TRRAP: variants seen among roughly 807,000 people sequenced by gnomAD.
The protein encoded by TRRAP is transformation/transcription domain-associated protein.
TRRAP carries 41 observed loss-of-function variants against 438.8 expected under a neutral mutation model. The ratio of observed to expected loss-of-function variants is 0.09; its 90% CI spans 0.07 to 0.12. TRRAP has a LOEUF of 0.12. Ranked by LOEUF, TRRAP falls within the 10% of genes least tolerant of loss-of-function variation. The pLI, the probability that TRRAP is intolerant of heterozygous loss-of-function variation, is 1.00. For synonymous variants in TRRAP, 1,994 were observed against 1,962.9 expected (o/e 1.02, Z -0.42); for missense variants, 3,122 against 5,055.1 (o/e 0.62, Z 11.60).
At chr7:98,952,093 T>G (rs1791364281) in intron 39 of TRRAP, among the ~76,000 whole-genome samples, 1 of 152,100 alleles carries the variant, frequency 6.6e-6, no homozygotes, top group South Asian at 2.1e-4. Flanking sequence ...AAAACATGAT[T>G]ATAGTGGAAG....
chr7:98,990,110 C>T (rs1376465573), intron 63 of TRRAP, among the ~76,000 whole-genome samples: 1 of 152,110 alleles, frequency 6.6e-6, no homozygotes, highest in African/African-American at 2.4e-5. Flanking sequence ...TGCCTGTAGT[C>T]CCAGCTACTG....
At chr7:98,996,361 G>A (rs537502427) in intron 67 of TRRAP, among the ~76,000 whole-genome samples, 1 of 152,214 alleles carries the variant, frequency 6.6e-6, no homozygotes, top group African/African-American at 2.4e-5. Flanking sequence ...AGAGAAGCGC[G>A]TGGCGGGCTC....
chr7:98,925,158 C>T lies in TRRAP; in HGVS notation c.2870C>T (p.Pro957Leu). 1 of 1,614,182 alleles carries T rather than the reference C, an allele frequency of 6.2e-7. No individual in the cohort carries two copies. Among genetic ancestry groups the T allele is most frequent in the Non-Finnish European group, 8.5e-7 (1 of 1,180,040 alleles). ...LDCLKSANTEPYYRRQAWEVI... is the reference protein window; with the variant it reads ...LDCLKSANTELYYRRQAWEVI... ...TGCCTGAAAAGCGCCAACACTGAGC[C>T]CTACTACCGGAGGCAGGCGTGGGAA... Residue 957 changes from proline (P) to leucine (L), a missense_variant, in exon 22 of 73, where the codon CCC becomes CTC. Physicochemically the swap from Pro to Leu is moderately conservative, Grantham distance 98. This residue lies in a region of TRRAP where 133 missense variants were observed against 188.6 expected (regional missense o/e 0.71). Transcript: ENST00000456197.
At chr7:98,923,616 C>T (rs1789901656) in intron 21 of TRRAP, among the ~76,000 whole-genome samples, 1 of 152,228 alleles carries the variant, frequency 6.6e-6, no homozygotes, top group African/African-American at 2.4e-5. Flanking sequence ...ACAACTGCTA[C>T]TGATCAGATC....
At chr7:98,977,592 T>G (rs1792722474) in intron 56 of TRRAP, among the ~76,000 whole-genome samples, 2 of 152,264 alleles carry the variant, frequency 1.3e-5, no homozygotes, top group Non-Finnish European at 2.9e-5. Flanking sequence ...TCCTTTGCAT[T>G]AGATGCCAGC....
At chr7:98,899,353 TG>T in intron 8 of TRRAP, 68 bp from the exon 9 acceptor site, 3 of 1,290,070 alleles carry the variant, frequency 2.3e-6, no homozygotes, top group African/African-American at 2.9e-5. Context: ...TGATGCTCAG[TG>T]GGCACTGGTG....
intron 13 of TRRAP, among the ~76,000 whole-genome samples, chr7:98,907,196 G>T (rs1436178154): frequency 6.6e-6 from 1 of 152,028 alleles, no homozygotes; most frequent in Non-Finnish European, 1.5e-5. Flanking sequence ...GGTGGCGCGT[G>T]CCTGTAATCC....
At chr7:98,919,743 G>A (rs985270146) in intron 20 of TRRAP, among the ~76,000 whole-genome samples, 13 of 152,224 alleles carry the variant, frequency 8.5e-5, no homozygotes, top group East Asian at 5.8e-4. Context: ...GGGTGCATGA[G>A]CAGCTTGTGG....
At chr7:98,891,709 G>A (rs1488093942) in intron 4 of TRRAP, among the ~76,000 whole-genome samples, 1 of 150,486 alleles carries the variant, frequency 6.6e-6, no homozygotes, top group African/African-American at 2.4e-5. Context: ...CTAATTTTTT[G>A]TATTTTTTTT....
chr7:98,984,274 C>T lies in TRRAP; in HGVS notation c.9204C>T (p.Ile3068=), dbSNP rs56256674. 5.7e-4 allele frequency: 914 copies of T among 1,611,278 alleles called. No individual in the cohort carries two copies. The highest frequency in any genetic ancestry group is 7.0e-4 in the Non-Finnish European group (821 of 1,178,828). ...TTCATACTATTCCAACTGTTCCTAT[C>T]GTGGATTGCTTCCAGAAGATTCGAC... ...SRIHTIPTVP[I]VDCFQKIRQQ... is the part of the protein sequence containing the mutation. Residue 3068 remains isoleucine (I), a synonymous_variant, in exon 61 of 73, where the codon ATC becomes ATT. Transcript: ENST00000456197.
chr7:98,978,664 C>T, intron 57 of TRRAP, 105 bp from the exon 58 acceptor site: 1 of 1,487,632 alleles, frequency 6.7e-7, no homozygotes, highest in South Asian at 1.2e-5. Context: ...CTGTGTTGTT[C>T]TTCTGTAGAA....
intron 67 of TRRAP, among the ~76,000 whole-genome samples, chr7:98,995,934 G>A (rs539451953): frequency 2.6e-5 from 3 of 116,978 alleles, no homozygotes; most frequent in East Asian, 2.6e-4. Flanking sequence ...TCCCCATCCC[G>A]TCCTCACACT....
intron 17 of TRRAP, 148 bp from the exon 18 acceptor site, chr7:98,911,874 G>GT (rs1221691723): frequency 1.5e-6 from 1 of 666,458 alleles, no homozygotes; most frequent in Non-Finnish European, 2.5e-6. Flanking sequence ...CAGTAAACCC[G>GT]TTTCATTTTT....
chr7:98,981,428 T>C (rs1389810024), intron 58 of TRRAP, among the ~76,000 whole-genome samples: 1 of 152,090 alleles, frequency 6.6e-6, no homozygotes. Flanking sequence ...TAATGCCGGC[T>C]GACTTGTTAG....
At chr7:98,885,237 G>A (rs1330101434) in intron 3 of TRRAP, among the ~76,000 whole-genome samples, 1 of 147,378 alleles carries the variant, frequency 6.8e-6, no homozygotes, top group Non-Finnish European at 1.5e-5. Flanking sequence ...ACAGATGCAA[G>A]ACACTATGCT....
chr7:98,892,235 GTACT>G (rs1157181770), intron 4 of TRRAP, among the ~76,000 whole-genome samples, 185 bp from the exon 5 acceptor site: 1 of 152,192 alleles, frequency 6.6e-6, no homozygotes, highest in African/African-American at 2.4e-5. Flanking sequence ...ATCATCTGCA[GTACT>G]TACTTTGGGT....
chr7:98,909,060 G>A, intron 14 of TRRAP, 98 bp downstream of exon 14: 1 of 1,148,978 alleles, frequency 8.7e-7, no homozygotes, highest in South Asian at 1.6e-5. Flanking sequence ...TCCTTGTTCT[G>A]TTGCCTAGGC....
chr7:99,005,503 G>T lies in TRRAP; in HGVS notation c.10753+155G>T, dbSNP rs1240120827. ...TTGTAGTCTGTGCTGACCAGGGAAG[G>T]CCTCAGGAAGAGGAGCAGCTCCAGG... is the stretch of plus-strand genomic sequence containing the variant. On this transcript the variant is annotated intron_variant, in intron 69 of 72. Coordinates refer to ENST00000456197, the MANE Select transcript of TRRAP (RefSeq NM_001375524.1). This position sits in a 1 kb window ranked among gnomAD's most constrained non-coding sequence, Gnocchi z 5.1. Among the ~76,000 whole-genome samples, 1 of 152,164 alleles carries T rather than the reference G, an allele frequency of 6.6e-6. No homozygotes were observed. Among genetic ancestry groups the T allele is most frequent in the Non-Finnish European group, 1.5e-5 (1 of 68,028 alleles).
At position 98,918,227 on chromosome 7, in the gene TRRAP, C is replaced by CTTTT. The variant is rs71118647; in HGVS notation, c.2622+566_2622+569dup. 9.6e-4 allele frequency among the ~76,000 whole-genome samples: 80 copies of CTTTT among 83,200 alleles called. 1 individual carries two copies. The highest frequency in any genetic ancestry group is 2.5e-3 in the African/African-American group (64 of 25,576). 54.6% of individuals were successfully genotyped at this position (83,200 alleles called of 152,430 possible). A position where few individuals can be genotyped will look rare whatever the true frequency, so the allele number is the denominator to read the frequency against. On this transcript the variant is annotated intron_variant, in intron 20 of 72. Transcript: ENST00000456197. ...AGAGAGCCTTCACGAGGGTTATATT[C>CTTTT]TTTTTTTTTTTTTTTTTTTTTGTGA...
Sources: allele counts gnomAD v4.1 joint callset (sites outside exome capture counted in the v4.1 genomes callset), GRCh38; gene constraint gnomAD v4.1.1; regional missense constraint gnomAD v4.1.1; non-coding constraint Gnocchi (gnomAD v3.1); transcripts MANE v1.5; gene names NCBI Gene and HGNC (gene_info 2026-07-23, HGNC 2026-07-21).